Variants in NEURL1B observed in about 807,000 individuals in gnomAD.
NEURL1B encodes the protein neuralized E3 ubiquitin protein ligase 1B, also known as E3 ubiquitin-protein ligase NEURL1B.
Under a neutral mutation model 37.4 loss-of-function variants are expected in NEURL1B, and 13 were observed. That is an observed-to-expected ratio of 0.35 (90% confidence interval 0.23 to 0.55). The LOEUF is 0.55. Among genes scored for constraint, NEURL1B ranks in the 20% least tolerant of loss-of-function variants. The probability of loss-of-function intolerance (pLI) is 0.89; values close to 1 mark genes in which losing one functional copy is unlikely to be tolerated. For synonymous variants in NEURL1B, 432 were observed against 426.6 expected (o/e 1.01, Z -0.16); for missense variants, 790 against 879.2 (o/e 0.90, Z 1.28).
In NEURL1B at chr5:172,684,024, C is replaced by A; in HGVS notation, c.1183C>A (p.Leu395Ile). 7.5e-7 allele frequency: 1 copy of A among 1,340,476 alleles called. No individual in the cohort carries two copies. The highest frequency in any genetic ancestry group is 9.6e-7 in the Non-Finnish European group (1 of 1,043,076). 83.0% of individuals were successfully genotyped at this position (1,340,476 alleles called of 1,614,324 possible). Residue 395 changes from leucine (L) to isoleucine (I), a missense_variant, in exon 3 of 5, where the codon CTC becomes ATC. Transcript: ENST00000369800. ...SFTLRPGGDV[L>I]LGINGRPRGR... ...CACGCTGCGGCCCGGCGGCGACGTGCTCCTGGGCATCAACGGGCGTCCGCG... is the reference window on the plus strand; with the variant it reads ...CACGCTGCGGCCCGGCGGCGACGTGATCCTGGGCATCAACGGGCGTCCGCG...
chr5:172,643,105 C>T (rs752178301), intron 1 of NEURL1B, among the ~76,000 whole-genome samples: 4 of 152,208 alleles, frequency 2.6e-5, no homozygotes, highest in Admixed American at 6.5e-5. Context: ...TTCTCCATCC[C>T]TCTCAACTCT....
chr5:172,659,437 G>A (rs1757854817), intron 1 of NEURL1B, among the ~76,000 whole-genome samples: 1 of 152,156 alleles, frequency 6.6e-6, no homozygotes, highest in East Asian at 1.9e-4. Context: ...TTATCACTGG[G>A]CAGCTGCCAG....
At chr5:172,680,346 A>G (rs1022230446) in intron 2 of NEURL1B, among the ~76,000 whole-genome samples, 6 of 152,058 alleles carry the variant, frequency 3.9e-5, no homozygotes, top group Non-Finnish European at 1.5e-5. Flanking sequence ...TCCATAGGCC[A>G]TGCTCTTAAT....
At chr5:172,650,115 A>C (rs555183792) in intron 1 of NEURL1B, among the ~76,000 whole-genome samples, 1 of 152,358 alleles carries the variant, frequency 6.6e-6, no homozygotes, top group East Asian at 1.9e-4. Flanking sequence ...TGTTTATATC[A>C]CAATTGCATC....
intron 1 of NEURL1B, among the ~76,000 whole-genome samples, chr5:172,648,663 C>T (rs1468600750): frequency 1.3e-5 from 2 of 152,252 alleles, no homozygotes; most frequent in Admixed American, 1.3e-4. Flanking sequence ...GGACATTTCC[C>T]ATTTGCACTG....
At chr5:172,666,712 G>A (rs1196449056) in intron 1 of NEURL1B, among the ~76,000 whole-genome samples, 1 of 152,206 alleles carries the variant, frequency 6.6e-6, no homozygotes, top group African/African-American at 2.4e-5. Context: ...GTGTAGAAAG[G>A]CAGAGGCCTT....
Position 172,676,911 on chromosome 5 carries a change from G to A in NEURL1B, c.578-6508G>A, listed in dbSNP as rs7732232. 0.1 allele frequency among the ~76,000 whole-genome samples: 15,366 copies of A among 152,262 alleles called. 858 individuals carry two copies. The highest frequency in any genetic ancestry group is 0.12 in the Admixed American group (1,888 of 15,298). On this transcript the variant is annotated intron_variant, in intron 2 of 4. Coordinates refer to ENST00000369800, the MANE Select transcript of NEURL1B (RefSeq NM_001142651.3). This position sits in a 1 kb window ranked among gnomAD's most constrained non-coding sequence, Gnocchi z 4.5. ...TGTTCATTATTGTTATAAACAAAGT[G>A]TGTGATAAAGACCTGAACTTATGGA...
At chr5:172,667,959 GCTGTACCTCC>G (rs1452810222) in intron 1 of NEURL1B, among the ~76,000 whole-genome samples, 1 of 149,896 alleles carries the variant, frequency 6.7e-6, no homozygotes, top group Non-Finnish European at 1.5e-5. Context: ...CTTTGCACTT[GCTGTACCTCC>G]TACCTGGAAT....
chr5:172,664,828 G>T (rs762003787), intron 1 of NEURL1B, among the ~76,000 whole-genome samples: 1 of 152,130 alleles, frequency 6.6e-6, no homozygotes, highest in Non-Finnish European at 1.5e-5. Context: ...TGGTCTTGGG[G>T]AGGAAAAAAA....
Position 172,683,948 on chromosome 5 carries a change from G to C in NEURL1B, c.1107G>C (p.Trp369Cys). The C allele has an allele frequency of 1.5e-6, 2 of 1,361,828 alleles. No individual in the cohort carries two copies. The highest frequency in any genetic ancestry group is 3.4e-5 in the East Asian group (1 of 29,752). 84.4% of individuals were successfully genotyped at this position (1,361,828 alleles called of 1,614,324 possible). A position where few individuals can be genotyped will look rare whatever the true frequency, so the allele number is the denominator to read the frequency against. ...CGCTGCTCGACCGCAAAGAGTACTG[G>C]GTGGTGGCGCGCGCCGGGCCCGTGC... ...PDALLDRKEY[W>C]VVARAGPVPS... Residue 369 changes from tryptophan to cysteine, a missense_variant, in exon 3 of 5, where the codon TGG becomes TGC. Transcript: ENST00000369800. This position sits in a 1 kb window ranked among gnomAD's most constrained non-coding sequence, Gnocchi z 5.6.
intron 2 of NEURL1B, among the ~76,000 whole-genome samples, chr5:172,681,857 T>C (rs1019134469): frequency 1.3e-5 from 2 of 152,262 alleles, no homozygotes; most frequent in Non-Finnish European, 2.9e-5. Flanking sequence ...TGGCTCAAAG[T>C]GGTCTGTTTA....
chr5:172,671,788 C>G (rs1758133972), intron 2 of NEURL1B, among the ~76,000 whole-genome samples: 1 of 152,250 alleles, frequency 6.6e-6, no homozygotes, highest in Non-Finnish European at 1.5e-5. Context: ...TACCTCATCC[C>G]CTTCATTACC....
In NEURL1B at chr5:172,690,804, G is replaced by C. The variant is rs527798715; in HGVS notation, c.*3879G>C. 1 of 152,390 alleles carries C rather than the reference G, an allele frequency of 6.6e-6. No individual in the cohort carries two copies. The highest frequency in any genetic ancestry group is 2.4e-5 in the African/African-American group (1 of 41,562). The allele number at this position is 152,390 out of a possible 1,614,324, so 9.4% of individuals were successfully genotyped here. A position where few individuals can be genotyped will look rare whatever the true frequency, so the allele number is the denominator to read the frequency against. On this transcript the variant is annotated 3_prime_UTR_variant, in exon 5 of 5. Transcript: ENST00000369800. Reference sequence around the variant, plus strand: ...AAAACGGCGTTAAGTAGAACCCCCAGAGGCCCCGCCGGTTGGTGATCACCC... The same window carrying C: ...AAAACGGCGTTAAGTAGAACCCCCACAGGCCCCGCCGGTTGGTGATCACCC...
intron 3 of NEURL1B, among the ~76,000 whole-genome samples, chr5:172,684,839 G>T (rs1470976414): frequency 6.6e-6 from 1 of 152,182 alleles, no homozygotes; most frequent in Non-Finnish European, 1.5e-5. Flanking sequence ...ACAGCCGGGG[G>T]CTCCTCTCCC....
rs190100416 is a variant in NEURL1B at position 172,647,060 on chromosome 5, G to A, written c.31+5623G>A. Among the ~76,000 whole-genome samples the A allele has an allele frequency of 6.6e-6, 1 of 152,284 alleles. No individual in the cohort carries two copies. Among genetic ancestry groups the A allele is most frequent in the East Asian group, 1.9e-4 (1 of 5,176 alleles). On this transcript the variant is annotated intron_variant, in intron 1 of 4. Coordinates refer to ENST00000369800, the MANE Select transcript of NEURL1B (RefSeq NM_001142651.3). The surrounding 1 kb of genome is among the most constrained non-coding windows in gnomAD (Gnocchi z 4.2). ...ATAATGTGCTGTGTTTGCCAGCAGG[G>A]GCGTAGCATTTTCCCTGGGCTGGAC...
intron 1 of NEURL1B, among the ~76,000 whole-genome samples, chr5:172,659,946 C>G (rs1046705498): frequency 4.6e-5 from 7 of 152,344 alleles, no homozygotes; most frequent in Admixed American, 2.0e-4. Flanking sequence ...TGGCCACCAC[C>G]CTGTGCAGTC....
At chr5:172,673,834 G>A (rs1395434940) in intron 2 of NEURL1B, among the ~76,000 whole-genome samples, 1 of 136,720 alleles carries the variant, frequency 7.3e-6, no homozygotes, top group African/African-American at 2.8e-5. Flanking sequence ...AAAAAAAAGT[G>A]TATTTATCAG....
At chr5:172,650,589 A>G (rs949512202) in intron 1 of NEURL1B, among the ~76,000 whole-genome samples, 1 of 152,240 alleles carries the variant, frequency 6.6e-6, no homozygotes, top group Non-Finnish European at 1.5e-5. Flanking sequence ...ATCCTGGGCA[A>G]GTCTGTTCCT....
At chr5:172,666,546 C>T (rs191695720) in intron 1 of NEURL1B, among the ~76,000 whole-genome samples, 1 of 152,276 alleles carries the variant, frequency 6.6e-6, no homozygotes, top group African/African-American at 2.4e-5. Flanking sequence ...ATCTGATTGG[C>T]CACCCTAGTA....
Sources: allele counts gnomAD v4.1 joint callset (sites outside exome capture counted in the v4.1 genomes callset), GRCh38; gene constraint gnomAD v4.1.1; non-coding constraint Gnocchi (gnomAD v3.1); transcripts MANE v1.5; gene names NCBI Gene and HGNC (gene_info 2026-07-23, HGNC 2026-07-21).